Variants in BCAR3 observed in about 807,000 individuals in gnomAD.
BCAR3 encodes the protein breast cancer anti-estrogen resistance protein 3.
BCAR3 carries 37 observed loss-of-function variants against 80.1 expected under a neutral mutation model. The ratio of observed to expected loss-of-function variants is 0.46; its 90% CI spans 0.36 to 0.61. The LOEUF (loss-of-function observed/expected upper bound fraction) is 0.61, where lower values mean the gene tolerates loss of function less well. Ranked by LOEUF, BCAR3 falls within the 20% of genes least tolerant of loss-of-function variation. The pLI is 0.00. For missense variants in BCAR3, 978 were observed against 1,068.2 expected (o/e 0.92, Z 1.18); for synonymous variants, 389 against 418.9 (o/e 0.93, Z 0.87).
intron 3 of BCAR3, among the ~76,000 whole-genome samples, chr1:93,690,379 A>G (rs1649146950): frequency 6.6e-6 from 1 of 152,220 alleles, no homozygotes; most frequent in Non-Finnish European, 1.5e-5. Flanking sequence ...GTACTGTTCT[A>G]AGAACCCTAC....
At chr1:93,696,964 C>G (rs1649431629) in intron 3 of BCAR3, among the ~76,000 whole-genome samples, 1 of 152,228 alleles carries the variant, frequency 6.6e-6, no homozygotes, top group Non-Finnish European at 1.5e-5. Flanking sequence ...CCTCCTCCAG[C>G]CCTGATTGAT....
intron 4 of BCAR3, among the ~76,000 whole-genome samples, chr1:93,591,693 T>C (rs1326583178): frequency 6.6e-6 from 1 of 152,226 alleles, no homozygotes; most frequent in Non-Finnish European, 1.5e-5. Flanking sequence ...CAAATGACGA[T>C]CACAAAGTAT....
chr1:93,844,552 G>A (rs1655074503), intron 2 of BCAR3, among the ~76,000 whole-genome samples: 2 of 152,108 alleles, frequency 1.3e-5, no homozygotes, highest in South Asian at 4.1e-4. Context: ...TTAGATAAGG[G>A]GAAGACAACA....
At chr1:93,740,938 G>A (rs923334210) in intron 2 of BCAR3, among the ~76,000 whole-genome samples, 3 of 152,192 alleles carry the variant, frequency 2.0e-5, no homozygotes, top group Admixed American at 1.3e-4. Context: ...ATGCAAGCGC[G>A]TCTGCCGACT....
At chr1:93,747,798 C>T (rs1486504786) in intron 2 of BCAR3, among the ~76,000 whole-genome samples, 1 of 151,702 alleles carries the variant, frequency 6.6e-6, no homozygotes, top group Non-Finnish European at 1.5e-5. Context: ...CATCTCCTGC[C>T]ACTTCCCCCA....
At chr1:93,737,130 T>C (rs1484934193) in intron 2 of BCAR3, among the ~76,000 whole-genome samples, 2 of 152,160 alleles carry the variant, frequency 1.3e-5, no homozygotes, top group Non-Finnish European at 2.9e-5. Context: ...GATTTGCTTT[T>C]CAGAAAGCAA....
intron 2 of BCAR3, among the ~76,000 whole-genome samples, chr1:93,745,586 C>G (rs925085993): frequency 2.6e-5 from 4 of 152,194 alleles, no homozygotes; most frequent in African/African-American, 9.7e-5. Context: ...TCCATAGCCT[C>G]TTGTCTCTTG....
chr1:93,662,924 C>G (rs1356715187), intron 2 of BCAR3, among the ~76,000 whole-genome samples: 1 of 114,530 alleles, frequency 8.7e-6, no homozygotes, highest in Non-Finnish European at 1.8e-5. Flanking sequence ...AACTATGTAT[C>G]CACCTGCATC....
At chr1:93,643,268 A>C (rs1215377424) in intron 2 of BCAR3, among the ~76,000 whole-genome samples, 1 of 150,944 alleles carries the variant, frequency 6.6e-6, no homozygotes, top group East Asian at 1.9e-4. Context: ...TCATGCTTGC[A>C]ATCCCAGCAT....
At chr1:93,759,516 C>T (rs1651859581) in intron 2 of BCAR3, among the ~76,000 whole-genome samples, 1 of 152,014 alleles carries the variant, frequency 6.6e-6, no homozygotes, top group Non-Finnish European at 1.5e-5. Flanking sequence ...GCAGAGAGTA[C>T]CATTGGGGCC....
upstream of BCAR3, among the ~76,000 whole-genome samples, chr1:93,686,418 A>T (rs184531056): frequency 5.3e-3 from 806 of 152,346 alleles, 5 homozygotes; most frequent in African/African-American, 0.018. Flanking sequence ...CATTACAAAA[A>T]AAAAGTTAAT....
intron 5 of BCAR3, among the ~76,000 whole-genome samples, chr1:93,587,673 T>C (rs1222022467): frequency 2.0e-5 from 3 of 151,066 alleles, no homozygotes; most frequent in African/African-American, 7.4e-5. Context: ...AATGACAGTT[T>C]ATGACATTTC....
intron 3 of BCAR3, among the ~76,000 whole-genome samples, chr1:93,629,739 T>C (rs1274729290): frequency 1.3e-5 from 2 of 152,238 alleles, no homozygotes; most frequent in Admixed American, 1.3e-4. Flanking sequence ...ACTGACTCCC[T>C]ATAGTTAACA....
intron 2 of BCAR3, among the ~76,000 whole-genome samples, chr1:93,777,441 TTCCTCC>T (rs199790581): frequency 2.2e-5 from 3 of 135,314 alleles, no homozygotes; most frequent in Non-Finnish European, 3.1e-5. Context: ...CCTCCTCCTC[TTCCTCC>T]TCCTCCTCTT....
intron 2 of BCAR3, among the ~76,000 whole-genome samples, chr1:93,749,886 C>CTTTTTTTTTTTTTTTTT (rs754541949): frequency 2.8e-5 from 4 of 140,398 alleles, no homozygotes; most frequent in Non-Finnish European, 3.1e-5. Flanking sequence ...ATGATCTTGA[C>CTTTTTTTTTTTTTTTTT]TTATTTTTTT....
chr1:93,769,173 C>CGTTAG (rs1401913583), intron 2 of BCAR3, among the ~76,000 whole-genome samples: 3 of 152,182 alleles, frequency 2.0e-5, no homozygotes, highest in African/African-American at 7.2e-5. Context: ...ACACCCACAC[C>CGTTAG]GTTAGGCTGC....
In BCAR3 at chr1:93,747,620, G is replaced by A. The variant is rs113140076; in HGVS notation, c.-62-41478C>T. Among the ~76,000 whole-genome samples, 142 of 151,714 alleles carry A rather than the reference G, an allele frequency of 9.4e-4. 6 individuals are homozygous for A. Among genetic ancestry groups the A allele is most frequent in the African/African-American group, 3.3e-3 (137 of 40,996 alleles). Reference sequence around the variant, plus strand: ...TGCCCTATCAAAACAGCCTCCTAGTGAGTTTCCCTGCCTCTCGTCTCTCCC... The same window carrying A: ...TGCCCTATCAAAACAGCCTCCTAGTAAGTTTCCCTGCCTCTCGTCTCTCCC... On this transcript the variant is annotated intron_variant, in intron 2 of 13. Transcript: ENST00000370244.
intron 1 of BCAR3, chr1:93,846,748 C>T: frequency 2.5e-6 from 1 of 402,714 alleles, no homozygotes; most frequent in Non-Finnish European, 5.0e-6. Context: ...GGGCCCCGGG[C>T]GCGCGGGCTC....
intron 2 of BCAR3, among the ~76,000 whole-genome samples, chr1:93,761,346 G>A (rs1651939017): frequency 6.6e-6 from 1 of 151,766 alleles, no homozygotes; most frequent in Admixed American, 6.6e-5. Flanking sequence ...CAGAGAGGAG[G>A]TCTGGCCTCC....
Sources: gnomAD v4.1 joint callset for allele counts (sites outside exome capture counted in the v4.1 genomes callset) on GRCh38, gnomAD v4.1.1 for gene constraint, MANE v1.5 for transcripts, NCBI Gene and HGNC (gene_info 2026-07-23, HGNC 2026-07-21) for gene names.